PHF2: variants seen among roughly 807,000 people sequenced by gnomAD.
PHF2 encodes the protein lysine-specific demethylase PHF2.
In PHF2, 27 loss-of-function variants were observed where a neutral mutation model predicts 120.5. That is an observed-to-expected ratio of 0.22 (90% CI 0.17 to 0.31). The LOEUF is 0.31. Ranked by LOEUF, PHF2 falls within the 10% of genes least tolerant of loss-of-function variation. PHF2 has a pLI of 1.00. For missense variants in PHF2, 1,024 were observed against 1,434.8 expected, an observed-to-expected ratio of 0.71 and a Z score of 4.63; for synonymous variants, 568 against 592.5, an observed-to-expected ratio of 0.96 and a Z score of 0.60.
At chr9:93,613,507 G>A (rs1463935681) in intron 1 of PHF2, among the ~76,000 whole-genome samples, 2 of 151,642 alleles carry the variant, frequency 1.3e-5, no homozygotes, top group Non-Finnish European at 2.9e-5. Flanking sequence ...TTAGGAACAG[G>A]TTCTGACTCA....
In PHF2 at chr9:93,656,420, C is replaced by A; in HGVS notation, c.1041-69C>A. On this transcript the variant is annotated intron_variant, in intron 8 of 21. Coordinates refer to ENST00000359246, the MANE Select transcript of PHF2 (RefSeq NM_005392.4). This position sits in a 1 kb window ranked among gnomAD's most constrained non-coding sequence, Gnocchi z 4.1. ...AGGCCTGAGCTGGTGTGTCTGGGGC[C>A]TGGATTGATGCCCAGCGTCGCCTGC... The A allele has an allele frequency of 8.9e-7, 1 of 1,128,382 alleles. No individual in the cohort carries two copies. Among genetic ancestry groups the A allele is most frequent in the Non-Finnish European group, 1.3e-6 (1 of 746,916 alleles). 69.9% of individuals were successfully genotyped at this position (1,128,382 alleles called of 1,614,324 possible). A position where few individuals can be genotyped will look rare whatever the true frequency, so the allele number is the denominator to read the frequency against.
At chr9:93,605,788 GTTTA>G (rs1825532877) in intron 1 of PHF2, among the ~76,000 whole-genome samples, 1 of 152,042 alleles carries the variant, frequency 6.6e-6, no homozygotes, top group African/African-American at 2.4e-5. Context: ...ATGTACCACA[GTTTA>G]TTTATCCATT....
intron 2 of PHF2, among the ~76,000 whole-genome samples, chr9:93,631,057 C>A (rs759780927): frequency 2.6e-5 from 4 of 152,172 alleles, no homozygotes; most frequent in Non-Finnish European, 5.9e-5. Flanking sequence ...ACCAGACCCC[C>A]GGACCCCTGT....
intron 1 of PHF2, among the ~76,000 whole-genome samples, chr9:93,615,259 A>G (rs1825711652): frequency 6.8e-6 from 1 of 146,618 alleles, no homozygotes; most frequent in African/African-American, 2.5e-5. Context: ...GGTGATGGTG[A>G]TGATTGGTGA....
intron 6 of PHF2, among the ~76,000 whole-genome samples, chr9:93,653,662 A>G (rs1229901469): frequency 6.6e-6 from 1 of 152,342 alleles, no homozygotes; most frequent in East Asian, 1.9e-4. Context: ...GAATGTTGCA[A>G]AAACATCCTG....
intron 1 of PHF2, among the ~76,000 whole-genome samples, chr9:93,577,645 CT>C (rs1394700298): frequency 6.6e-6 from 1 of 152,218 alleles, no homozygotes; most frequent in Admixed American, 6.5e-5. Context: ...CGTTTCTCTC[CT>C]CTCCGTTCCC....
Position 93,676,640 on chromosome 9 carries a change from C to T in PHF2, c.2879C>T (p.Thr960Ile). 3.1e-6 allele frequency: 5 copies of T among 1,608,548 alleles called. No homozygotes were observed. The highest frequency in any genetic ancestry group is 1.1e-5 in the South Asian group (1 of 89,892). Residue 960 changes from threonine (T) to isoleucine (I), a missense_variant, in exon 21 of 22, where the codon ACT becomes ATT. Physicochemically the swap from Thr to Ile is moderately conservative, Grantham distance 89. This residue lies in a region of PHF2 where 677 missense variants were observed against 857.4 expected (regional missense o/e 0.79). Coordinates refer to ENST00000359246, the MANE Select transcript of PHF2 (RefSeq NM_005392.4). ...KKKKSAKRKL[T>I]PNTTSPSTST... ...AAAAAGAGTGCCAAGAGGAAGCTGA[C>T]TCCTAACACCACCTCCCCTTCCACC...
At chr9:93,667,561 A>G (rs761546941) in intron 17 of PHF2, among the ~76,000 whole-genome samples, 1 of 151,980 alleles carries the variant, frequency 6.6e-6, no homozygotes, top group South Asian at 2.1e-4. Context: ...ACAGACGGGT[A>G]ACTCAGGGGG....
At chr9:93,624,288 A>AGGTGAT (rs1825870817) in intron 1 of PHF2, among the ~76,000 whole-genome samples, 1 of 151,232 alleles carries the variant, frequency 6.6e-6, no homozygotes, top group Non-Finnish European at 1.5e-5. Flanking sequence ...GTGATGGTGA[A>AGGTGAT]GGTGATGGTG....
At chr9:93,653,113 C>T in intron 5 of PHF2, 66 bp from the exon 6 acceptor site, 2 of 1,470,360 alleles carry the variant, frequency 1.4e-6, no homozygotes, top group Non-Finnish European at 9.4e-7. Context: ...GAACATGTTT[C>T]CCACTGCAGG....
At chr9:93,589,053 G>A (rs1022634889) in intron 1 of PHF2, among the ~76,000 whole-genome samples, 2 of 152,194 alleles carry the variant, frequency 1.3e-5, no homozygotes, top group African/African-American at 2.4e-5. Flanking sequence ...GGACCTTGGA[G>A]GCAGCAGGAA....
chr9:93,577,003 G>T, intron 1 of PHF2, 132 bp downstream of exon 1: 1 of 218,828 alleles, frequency 4.6e-6, no homozygotes, highest in South Asian at 1.5e-4. Context: ...GCCGCATTCC[G>T]GGCGCCCCGG....
Position 93,587,432 on chromosome 9 carries a change from G to A in PHF2, c.98+10561G>A, listed in dbSNP as rs116785492. On this transcript the variant is annotated intron_variant, in intron 1 of 21. Coordinates refer to ENST00000359246, the MANE Select transcript of PHF2 (RefSeq NM_005392.4). ...CAGGTGAGGGACGGAGAAATCCCAG[G>A]AGAGGGATGACGGAGGATCCCTGGA... Among the ~76,000 whole-genome samples, 872 of 147,278 alleles carry A rather than the reference G, an allele frequency of 5.9e-3. 15 individuals are homozygous for A. Among genetic ancestry groups the A allele is most frequent in the African/African-American group, 0.021 (839 of 39,404 alleles).
intron 1 of PHF2, among the ~76,000 whole-genome samples, chr9:93,586,858 G>A (rs1863055408): frequency 6.6e-6 from 1 of 152,226 alleles, no homozygotes; most frequent in African/African-American, 2.4e-5. Flanking sequence ...GGGTTGGGGT[G>A]GCATGGCCCT....
At chr9:93,658,370 C>T (rs1310589419) in intron 10 of PHF2, 134 bp downstream of exon 10, 8 of 737,722 alleles carry the variant, frequency 1.1e-5, no homozygotes, top group African/African-American at 1.7e-5. Flanking sequence ...CGGTGGTGCT[C>T]CCCTGCCTGG....
At chr9:93,583,263 C>T (rs1319275505) in intron 1 of PHF2, among the ~76,000 whole-genome samples, 1 of 152,190 alleles carries the variant, frequency 6.6e-6, no homozygotes, top group Non-Finnish European at 1.5e-5. Flanking sequence ...ATTTTTATGG[C>T]TGAATAATAT....
intron 5 of PHF2, 44 bp downstream of exon 5, chr9:93,649,256 AG>A: frequency 7.1e-7 from 1 of 1,403,436 alleles, no homozygotes; most frequent in Non-Finnish European, 9.7e-7. Context: ...GGGTTGGGGC[AG>A]GGGCGCTGTG....
chr9:93,586,107 A>G (rs1052754756), intron 1 of PHF2, among the ~76,000 whole-genome samples: 1 of 152,238 alleles, frequency 6.6e-6, no homozygotes, highest in African/African-American at 2.4e-5. Flanking sequence ...TCTTCTGCAC[A>G]TTGCCTGGAG....
intron 1 of PHF2, among the ~76,000 whole-genome samples, chr9:93,603,526 C>T (rs1438061478): frequency 6.6e-6 from 1 of 152,172 alleles, no homozygotes; most frequent in Non-Finnish European, 1.5e-5. Flanking sequence ...TTGGGACCTA[C>T]AGCTGCTGAT....
Sources: gnomAD v4.1 joint callset for allele counts (sites outside exome capture counted in the v4.1 genomes callset) on GRCh38, gnomAD v4.1.1 for gene constraint, gnomAD v4.1.1 regional missense constraint, Gnocchi (gnomAD v3.1) non-coding constraint, MANE v1.5 for transcripts, NCBI Gene and HGNC (gene_info 2026-07-23, HGNC 2026-07-21) for gene names.